The following EEF2KMT variants were observed in gnomAD, a reference collection of about 807,000 sequenced individuals.
EEF2KMT encodes eukaryotic elongation factor 2 lysine methyltransferase.
Under a neutral mutation model 35.1 loss-of-function variants are expected in EEF2KMT, and 30 were observed. The ratio of observed to expected loss-of-function variants is 0.85; its 90% CI spans 0.64 to 1.16. EEF2KMT has a LOEUF of 1.16. Ranked by LOEUF, EEF2KMT falls within the 50% of genes most tolerant of loss-of-function variation. EEF2KMT has a pLI of 0.00. For synonymous variants in EEF2KMT, 190 were observed against 187.7 expected (o/e 1.01, Z -0.10); for missense variants, 499 against 438.2 (o/e 1.14, Z -1.24).
Position 5,085,585 on chromosome 16 carries a change from T to A in EEF2KMT, c.*47A>T, listed in dbSNP as rs1047502. 56 of 1,321,978 alleles carry A rather than the reference T, an allele frequency of 4.2e-5. No homozygotes were observed. Among genetic ancestry groups the A allele is most frequent in the African/African-American group, 3.3e-4 (23 of 69,022 alleles). The allele number at this position is 1,321,978 out of a possible 1,614,324, so 81.9% of individuals were successfully genotyped here. On this transcript the variant is annotated 3_prime_UTR_variant, in exon 8 of 8. Coordinates refer to ENST00000427587, the MANE Select transcript of EEF2KMT (RefSeq NM_201400.4). The stretch of plus-strand genomic sequence containing the variant: ...CTTTCCCATATAAAAATTCTTCCCA[T>A]GAGAGTGACTTGATTCTCACAATCC...
chr16:5,097,409 GC>G, intron 1 of EEF2KMT: 2 of 1,445,250 alleles, frequency 1.4e-6, no homozygotes, highest in Non-Finnish European at 9.1e-7. Context: ...GCGCGCGTCT[GC>G]CCCCCAAGGC....
chr16:5,093,540 TCA>T lies in EEF2KMT; in HGVS notation c.182_183del (p.Val61GlufsTer33), dbSNP rs747673776. ...LHKTVKHPVCVKHPPSVKYAR... is the reference protein window; with the variant it reads ...LHKTVKHPVCXKHPPSVKYAR... ...GCATATTTGACGGACGGCGGGTGCT[TCA>T]CACACACAGGATGCTTCACAGTCTA... On this transcript the variant is annotated frameshift_variant, in exon 3 of 8. Coordinates refer to ENST00000427587, the MANE Select transcript of EEF2KMT (RefSeq NM_201400.4). LOFTEE classifies it high-confidence loss of function. 1.2e-6 allele frequency: 2 copies of T among 1,611,816 alleles called. No individual in the cohort carries two copies. The highest frequency in any genetic ancestry group is 1.1e-5 in the South Asian group (1 of 90,990).
In EEF2KMT at chr16:5,084,839, G is replaced by T. The variant is rs772562254; in HGVS notation, c.*793C>A. ...AGTCGCAGCAGCTCCGATGGGATGA[G>T]AGCTGGGTGCAGACTGTGCTCCCTT... is the stretch of plus-strand genomic sequence containing the variant. On this transcript the variant is annotated 3_prime_UTR_variant, in exon 8 of 8. Coordinates refer to ENST00000427587, the MANE Select transcript of EEF2KMT (RefSeq NM_201400.4). 6.3e-7 allele frequency: 1 copy of T among 1,596,498 alleles called. No individual in the cohort carries two copies. Among genetic ancestry groups the T allele is most frequent in the Admixed American group, 1.7e-5 (1 of 60,018 alleles).
chr16:5,093,986 G>A (rs186248916), intron 2 of EEF2KMT, among the ~76,000 whole-genome samples: 50 of 152,332 alleles, frequency 3.3e-4, no homozygotes, highest in Non-Finnish European at 5.3e-4. Flanking sequence ...GGGACGCTCC[G>A]GGTGACACTC....
At chr16:5,093,307 C>T (rs1473214928) in intron 3 of EEF2KMT, among the ~76,000 whole-genome samples, 177 bp downstream of exon 3, 1 of 152,258 alleles carries the variant, frequency 6.6e-6, no homozygotes. Context: ...CTGGCCTCCC[C>T]TTCTTCCCGC....
At chr16:5,087,905 T>C (rs143338247) in intron 7 of EEF2KMT, among the ~76,000 whole-genome samples, 31,943 of 144,386 alleles carry the variant, frequency 0.22, 4,358 homozygotes, top group Admixed American at 0.31. Flanking sequence ...TTCACGTAAG[T>C]ATCTGAAGAA....
intron 1 of EEF2KMT, chr16:5,097,258 G>A: frequency 3.1e-6 from 4 of 1,304,706 alleles, no homozygotes; most frequent in Non-Finnish European, 4.0e-6. Flanking sequence ...CCCGGTCACC[G>A]CGCTCAGGAG....
intron 7 of EEF2KMT, 60 bp downstream of exon 7, chr16:5,089,046 AC>A: frequency 1.2e-6 from 2 of 1,607,660 alleles, no homozygotes; most frequent in Non-Finnish European, 1.7e-6. Flanking sequence ...TTTCACTTCC[AC>A]TGGCGTCCTG....
At chr16:5,096,076 C>T (rs1596281866) in intron 1 of EEF2KMT, among the ~76,000 whole-genome samples, 2 of 152,072 alleles carry the variant, frequency 1.3e-5, no homozygotes, top group African/African-American at 4.8e-5. Context: ...CCACCCTGCT[C>T]ACTCCACTCC....
chr16:5,096,065 C>G (rs1364692368), intron 1 of EEF2KMT, among the ~76,000 whole-genome samples: 3 of 152,022 alleles, frequency 2.0e-5, no homozygotes, highest in Non-Finnish European at 4.4e-5. Flanking sequence ...TCACCCCTGG[C>G]CCACCCTGCT....
chr16:5,087,540 C>T (rs574356733), intron 7 of EEF2KMT, among the ~76,000 whole-genome samples: 3 of 152,088 alleles, frequency 2.0e-5, no homozygotes, highest in African/African-American at 7.2e-5. Context: ...AGCTCACGCC[C>T]GTATTCCTAA....
chr16:5,095,714 T>G (rs1162205165), intron 1 of EEF2KMT, among the ~76,000 whole-genome samples, 200 bp from the exon 2 acceptor site: 3 of 152,076 alleles, frequency 2.0e-5, no homozygotes, highest in African/African-American at 7.2e-5. Flanking sequence ...GAAGGCTGAC[T>G]TTTGGCCACA....
chr16:5,086,325 A>G (rs1957164406), intron 7 of EEF2KMT, among the ~76,000 whole-genome samples: 1 of 92,426 alleles, frequency 1.1e-5, no homozygotes, highest in South Asian at 5.7e-4. Context: ...ACAGGGTGAG[A>G]CTAAGTCTCA....
At chr16:5,094,157 G>T (rs1421291892) in intron 2 of EEF2KMT, among the ~76,000 whole-genome samples, 1 of 152,248 alleles carries the variant, frequency 6.6e-6, no homozygotes, top group East Asian at 1.9e-4. Flanking sequence ...AGCCTGGAGG[G>T]AGAGGGAGGA....
intron 6 of EEF2KMT, among the ~76,000 whole-genome samples, chr16:5,089,704 C>T (rs1194958044): frequency 6.6e-6 from 1 of 152,106 alleles, no homozygotes; most frequent in African/African-American, 2.4e-5. Flanking sequence ...AGAGAGGGGA[C>T]TGAGTGTGCT....
intron 1 of EEF2KMT, 47 bp downstream of exon 1, chr16:5,097,597 G>A: frequency 6.5e-7 from 1 of 1,531,934 alleles, no homozygotes; most frequent in South Asian, 1.2e-5. Flanking sequence ...GTCTGCCCCT[G>A]GACTCCCGCG....
At chr16:5,097,232 G>A (rs1443184106) in intron 1 of EEF2KMT, 9 of 1,220,204 alleles carry the variant, frequency 7.4e-6, no homozygotes, top group Non-Finnish European at 9.6e-6. Context: ...ACTGAGGCAC[G>A]AGGGACAGCC....
intron 2 of EEF2KMT, among the ~76,000 whole-genome samples, chr16:5,095,214 C>G (rs1236521632): frequency 6.6e-6 from 1 of 152,210 alleles, no homozygotes; most frequent in Non-Finnish European, 1.5e-5. Flanking sequence ...CCTAGATTCC[C>G]CCCTCTCATT....
In EEF2KMT at chr16:5,089,101, G is replaced by A. The variant is rs754246237; in HGVS notation, c.892+6C>T. On this transcript the variant is annotated splice_donor_region_variant and intron_variant, in intron 7 of 7. Transcript: ENST00000427587. ...CATGCAGGCCCGGGTGGGCGTGGAG[G>A]CTCACCTAGCTCGGTGGTGAACAGC... 2.0e-5 allele frequency: 33 copies of A among 1,612,318 alleles called. No homozygotes were observed. In the Admixed American group the frequency reaches 2.3e-4, roughly 11 times the overall value.
Sources: gnomAD v4.1 joint callset for allele counts (sites outside exome capture counted in the v4.1 genomes callset) on GRCh38, gnomAD v4.1.1 for gene constraint, MANE v1.5 for transcripts, NCBI Gene and HGNC (gene_info 2026-07-23, HGNC 2026-07-21) for gene names.